The following TASL variants were observed in gnomAD, a reference collection of about 807,000 sequenced individuals.
TASL encodes the protein TLR adapter interacting with SLC15A4 on the lysosome.
Under a neutral mutation model 12.9 loss-of-function variants are expected in TASL, and 6 were observed. The ratio of observed to expected loss-of-function variants is 0.46; its 90% CI spans 0.25 to 0.92. TASL has a LOEUF of 0.92. TASL is among the 40% of genes least tolerant of loss of function. The pLI is 0.17. For missense variants in TASL, 165 were observed against 212.8 expected (o/e 0.78, Z 1.40); for synonymous variants, 85 against 79.3 (o/e 1.07, Z -0.38).
intron 2 of TASL, among the ~76,000 whole-genome samples, chrX:30,571,258 G>A (rs5927562): frequency 0.22 from 2,404 of 10,786 alleles, 294 homozygotes; most frequent in East Asian, 0.35. Context: ...GAAAGAAAGA[G>A]AAAGAAAGAA....
At chrX:30,560,425 A>G (rs1930401924) in intron 2 of TASL, 69 bp from the exon 3 acceptor site, 1 of 728,959 alleles carries the variant, frequency 1.4e-6, no homozygotes, top group Non-Finnish European at 2.0e-6. Context: ...GGCACTTGAT[A>G]TATCAAAAAA....
At position 30,559,814 on chromosome X, in the gene TASL, A is replaced by G; in HGVS notation, c.542T>C (p.Ile181Thr). The change falls in exon 3 of 3, where the codon ATC (isoleucine) becomes ACC (threonine). Residue 181 changes from isoleucine to threonine, a missense_variant. Ile to Thr is a moderately conservative substitution (Grantham distance 89). Transcript: ENST00000378962. ...TCTCCAATAGGATGAGTACCGCTGG[A>G]TAGGTTTTTGGGGAAAGTCACTGGG... ...TQPSDFPQKP[I>T]QRYSSYWRIT... The G allele has an allele frequency of 8.3e-7, 1 of 1,210,608 alleles. No homozygotes were observed. The highest frequency in any genetic ancestry group is 1.1e-6 in the Non-Finnish European group (1 of 895,051).
At chrX:30,569,407 T>C (rs1415700321) in intron 2 of TASL, among the ~76,000 whole-genome samples, 1 of 110,915 alleles carries the variant, frequency 9.0e-6, no homozygotes, top group Non-Finnish European at 1.9e-5. Context: ...GGAGGAGCTG[T>C]GGAGGAAGCA....
At chrX:30,566,897 A>G (rs992184403) in intron 2 of TASL, among the ~76,000 whole-genome samples, 14 of 112,090 alleles carry the variant, frequency 1.2e-4, no homozygotes, top group African/African-American at 4.5e-4. Flanking sequence ...TTGATTTAAT[A>G]TAATTTAATT....
At chrX:30,571,286 G>GAAAGAAAGAAAGAAAGAAAGAAAA (rs1569306153) in intron 2 of TASL, among the ~76,000 whole-genome samples, 1 of 64,890 alleles carries the variant, frequency 1.5e-5, no homozygotes, top group Non-Finnish European at 2.9e-5. Flanking sequence ...AAGAAAGAAA[G>GAAAGAAAGAAAGAAAGAAAGAAAA]AAAGAAAGAA....
rs1930712051 is a variant in TASL, at chrX:30,576,761, T to A, written c.-11A>T. On this transcript the variant is annotated 5_prime_UTR_variant, in exon 2 of 3. Coordinates refer to ENST00000378962, the MANE Select transcript of TASL (RefSeq NM_025159.3). The stretch of plus-strand genomic sequence containing the variant: ...AGAATTAGTGTACTACCTTTGAATA[T>A]CTCCAAAATTCCACTTATGATATGG... The A allele has an allele frequency of 8.9e-6, 1 of 111,843 alleles. No homozygotes were observed. The highest frequency in any genetic ancestry group is 1.9e-5 in the Non-Finnish European group (1 of 53,199). 9.2% of individuals were successfully genotyped at this position (111,843 alleles called of 1,213,427 possible). A position where few individuals can be genotyped will look rare whatever the true frequency, so the allele number is the denominator to read the frequency against.
intron 2 of TASL, among the ~76,000 whole-genome samples, chrX:30,572,493 GTTTC>G (rs1478740677): frequency 3.6e-5 from 4 of 112,042 alleles, no homozygotes; most frequent in Admixed American, 1.9e-4. Context: ...CTTATATTCA[GTTTC>G]TTATCATTTC....
chrX:30,571,644 G>A (rs1448716920), intron 2 of TASL, among the ~76,000 whole-genome samples: 1 of 108,402 alleles, frequency 9.2e-6, no homozygotes, highest in Non-Finnish European at 1.9e-5. Context: ...AAGGGGGGGG[G>A]GGCATTACTG....
intron 2 of TASL, among the ~76,000 whole-genome samples, chrX:30,575,717 A>AT (rs1930694916): frequency 1.8e-5 from 2 of 111,706 alleles, no homozygotes; most frequent in East Asian, 5.5e-4. Flanking sequence ...TAAATAAATA[A>AT]TTTTTTGTTT....
chrX:30,568,841 T>C (rs1283405917), intron 2 of TASL, among the ~76,000 whole-genome samples: 2 of 110,053 alleles, frequency 1.8e-5, no homozygotes, highest in African/African-American at 6.6e-5. Context: ...TGCTGGTATC[T>C]TAATTCTGGC....
chrX:30,577,174 G>A (rs1025809509), intron 1 of TASL, among the ~76,000 whole-genome samples: 7 of 112,210 alleles, frequency 6.2e-5, no homozygotes, highest in Non-Finnish European at 1.3e-4. Context: ...CAATTGGAAA[G>A]GACTGTGATT....
chrX:30,574,243 A>G (rs1239262491), intron 2 of TASL, among the ~76,000 whole-genome samples: 1 of 111,869 alleles, frequency 8.9e-6, no homozygotes, highest in East Asian at 2.8e-4. Flanking sequence ...TCCTATGTTA[A>G]CATTTCAGAA....
At position 30,559,945 on chromosome X, in the gene TASL, A is replaced by G. The variant is rs758553305; in HGVS notation, c.411T>C (p.Ile137=). Residue 137 remains isoleucine (I), a synonymous_variant, in exon 3 of 3, where the codon ATT becomes ATC. Coordinates refer to ENST00000378962, the MANE Select transcript of TASL (RefSeq NM_025159.3). The part of the protein sequence containing the change: ...LQIAGGQVMA[I]NSVTTDFPSE... ...AGGGAAAATCTGTTGTCACTGAATT[A>G]ATGGCCATCACCTGGCCCCCTGCAA... is the stretch of plus-strand genomic sequence containing the variant. The G allele has an allele frequency of 2.5e-6, 3 of 1,209,492 alleles. No individual in the cohort carries two copies. Among genetic ancestry groups the G allele is most frequent in the African/African-American group, 3.5e-5 (2 of 57,196 alleles).
chrX:30,567,290 A>AG (rs1930512533), intron 2 of TASL, among the ~76,000 whole-genome samples: 1 of 110,492 alleles, frequency 9.1e-6, no homozygotes, highest in African/African-American at 3.3e-5. Flanking sequence ...AAAAAAAAAA[A>AG]AAAGAAAGAA....
chrX:30,572,073 G>A (rs921575182), intron 2 of TASL, among the ~76,000 whole-genome samples: 3 of 111,081 alleles, frequency 2.7e-5, no homozygotes, highest in African/African-American at 3.3e-5. Context: ...GATTGGTTAG[G>A]CGTGAAGGAA....
intron 2 of TASL, among the ~76,000 whole-genome samples, chrX:30,572,889 C>T (rs1380109189): frequency 9.0e-6 from 1 of 111,551 alleles, no homozygotes; most frequent in Non-Finnish European, 1.9e-5. Flanking sequence ...CAAAAACAAG[C>T]AGGGGGCCAA....
chrX:30,562,279 G>C (rs1930436846), intron 2 of TASL, among the ~76,000 whole-genome samples: 1 of 112,012 alleles, frequency 8.9e-6, no homozygotes, highest in South Asian at 3.7e-4. Context: ...AACTTAAGTA[G>C]ACTGAGTCCC....
intron 2 of TASL, among the ~76,000 whole-genome samples, chrX:30,568,970 CAA>C (rs58377097): frequency 0.069 from 5,285 of 76,213 alleles, 230 homozygotes; most frequent in African/African-American, 0.17. Context: ...ACGTCCCCAG[CAA>C]AAAAAAAAAA....
intron 2 of TASL, among the ~76,000 whole-genome samples, chrX:30,561,140 A>G (rs1268532317): frequency 8.9e-6 from 1 of 112,102 alleles, no homozygotes; most frequent in African/African-American, 3.2e-5. Context: ...ATTTTCAACA[A>G]TGACATGGTA....
Sources: allele counts gnomAD v4.1 joint callset (sites outside exome capture counted in the v4.1 genomes callset), GRCh38; gene constraint gnomAD v4.1.1; transcripts MANE v1.5; gene names NCBI Gene and HGNC (gene_info 2026-07-23, HGNC 2026-07-21).